Variants in GRM3 observed in about 807,000 individuals in gnomAD.
GRM3 encodes the protein metabotropic glutamate receptor 3.
GRM3 carries 26 observed loss-of-function variants against 70.5 expected under a neutral mutation model. The observed-to-expected ratio is 0.37, with a 90% CI of 0.27 to 0.51. The LOEUF is 0.51. GRM3 is among the 20% of genes least tolerant of loss of function. The pLI is 0.93. For synonymous variants in GRM3, 443 were observed against 434.9 expected (o/e 1.02, Z -0.23); for missense variants, 859 against 1,123.8 (o/e 0.76, Z 3.37).
intron 1 of GRM3, among the ~76,000 whole-genome samples, chr7:86,762,729 G>T (rs1277899960): frequency 6.6e-6 from 1 of 152,118 alleles, no homozygotes; most frequent in Non-Finnish European, 1.5e-5. Context: ...GATCTTTCCT[G>T]GTAGTAACTG....
At chr7:86,717,964 T>G (rs1007641051) in intron 1 of GRM3, among the ~76,000 whole-genome samples, 23 of 151,718 alleles carry the variant, frequency 1.5e-4, no homozygotes, top group African/African-American at 5.6e-4. Context: ...AATGCCTCAC[T>G]AAGGGTATTT....
intron 2 of GRM3, among the ~76,000 whole-genome samples, chr7:86,785,407 G>A (rs965783136): frequency 3.3e-4 from 50 of 151,890 alleles, no homozygotes; most frequent in Non-Finnish European, 8.8e-5. Flanking sequence ...GATAAATATT[G>A]TTGATAGTCA....
At chr7:86,673,701 C>T (rs1471060435) in intron 1 of GRM3, among the ~76,000 whole-genome samples, 4 of 152,206 alleles carry the variant, frequency 2.6e-5, no homozygotes, top group Admixed American at 2.6e-4. Context: ...TTCACCTGGA[C>T]ATCTCAGACA....
intron 3 of GRM3, among the ~76,000 whole-genome samples, chr7:86,790,607 A>AC (rs1797385596): frequency 6.6e-6 from 1 of 151,334 alleles, no homozygotes; most frequent in Non-Finnish European, 1.5e-5. Flanking sequence ...CCTGCACACC[A>AC]CCCTCCCTGC....
chr7:86,848,237 C>T (rs151145203), intron 4 of GRM3, among the ~76,000 whole-genome samples: 19 of 152,322 alleles, frequency 1.2e-4, no homozygotes, highest in Middle Eastern at 6.8e-3. Flanking sequence ...TGTGTCTTCA[C>T]ATTCAATCTC....
chr7:86,743,510 C>T (rs1652008523), intron 1 of GRM3, among the ~76,000 whole-genome samples: 1 of 152,058 alleles, frequency 6.6e-6, no homozygotes, highest in African/African-American at 2.4e-5. Flanking sequence ...TATTTCTTCT[C>T]CCTTGCAGCT....
chr7:86,833,006 T>G (rs2116719656), intron 3 of GRM3: 1 of 984,094 alleles, frequency 1.0e-6, no homozygotes, highest in East Asian at 1.1e-4. Flanking sequence ...GGTTGTTCTT[T>G]TTCTTCCCCT....
At chr7:86,710,098 C>T (rs982243725) in intron 1 of GRM3, 3 of 152,052 alleles carry the variant, frequency 2.0e-5, no homozygotes, top group East Asian at 3.9e-4. Flanking sequence ...CCCACAGCCA[C>T]ACAATAATCA....
chr7:86,825,566 A>G lies in GRM3; in HGVS notation c.1325-13273A>G, dbSNP rs1352105197. ...GTATTCTCTTTACGTGATAGTACAC[A>G]GAAAGTCAAATGCATGTCCATGCAT... On this transcript the variant is annotated intron_variant, in intron 3 of 5. Transcript: ENST00000361669. Among the ~76,000 whole-genome samples, 3 of 152,352 alleles carry G rather than the reference A, an allele frequency of 2.0e-5. No homozygotes were observed. In the East Asian group the frequency reaches 5.8e-4, roughly 29 times the overall value.
chr7:86,692,777 T>C (rs959082299), intron 1 of GRM3, among the ~76,000 whole-genome samples: 1 of 152,210 alleles, frequency 6.6e-6, no homozygotes, highest in African/African-American at 2.4e-5. Flanking sequence ...ATATAAACAC[T>C]AGCATCTCAA....
chr7:86,796,470 G>A (rs1012459825), intron 3 of GRM3, among the ~76,000 whole-genome samples: 5 of 152,110 alleles, frequency 3.3e-5, no homozygotes, highest in African/African-American at 1.2e-4. Context: ...CAGTAGCCTT[G>A]TTGTATAGTT....
intron 3 of GRM3, among the ~76,000 whole-genome samples, chr7:86,829,782 A>T (rs1798314339): frequency 6.6e-6 from 1 of 152,200 alleles, no homozygotes; most frequent in Non-Finnish European, 1.5e-5. Context: ...TATAATAATA[A>T]TGAAAAAGTT....
chr7:86,841,975 C>T (rs553708737), intron 4 of GRM3, among the ~76,000 whole-genome samples: 1 of 152,220 alleles, frequency 6.6e-6, no homozygotes, highest in South Asian at 2.1e-4. Flanking sequence ...TTTAAAGTCT[C>T]AGAAATAATG....
chr7:86,765,662 A>T lies in GRM3; in HGVS notation c.468+49A>T, dbSNP rs1396209670. On this transcript the variant is annotated intron_variant, in intron 2 of 5. Coordinates refer to ENST00000361669, the MANE Select transcript of GRM3 (RefSeq NM_000840.3). The stretch of plus-strand genomic sequence containing the variant: ...TAAAAGGCTGTATCTCTTTGCTTTT[A>T]TGTGTTGGGGGAACAAAAGGAAAAT... 3.3e-6 allele frequency: 5 copies of T among 1,525,212 alleles called. No individual in the cohort carries two copies. In the East Asian group the frequency reaches 9.2e-5, roughly 28 times the overall value. 94.5% of individuals were successfully genotyped at this position (1,525,212 alleles called of 1,614,324 possible). A position where few individuals can be genotyped will look rare whatever the true frequency, so the allele number is the denominator to read the frequency against.
intron 1 of GRM3, among the ~76,000 whole-genome samples, chr7:86,706,765 G>T (rs891812157): frequency 6.6e-5 from 10 of 151,948 alleles, no homozygotes; most frequent in Admixed American, 6.6e-4. Context: ...AAAATGGGTT[G>T]ATTTTTTTTT....
intron 3 of GRM3, among the ~76,000 whole-genome samples, chr7:86,817,982 C>T (rs1490831182): frequency 2.0e-5 from 3 of 151,912 alleles, no homozygotes; most frequent in African/African-American, 7.2e-5. Context: ...ATATATACAA[C>T]ATACGCTGAG....
intron 1 of GRM3, among the ~76,000 whole-genome samples, chr7:86,720,979 G>T (rs1795447718): frequency 1.3e-5 from 2 of 152,058 alleles, no homozygotes; most frequent in African/African-American, 2.4e-5. Context: ...AGAGAAATAA[G>T]CAAGGTAACA....
At chr7:86,716,575 A>C (rs1181205651) in intron 1 of GRM3, among the ~76,000 whole-genome samples, 1 of 151,852 alleles carries the variant, frequency 6.6e-6, no homozygotes, top group Non-Finnish European at 1.5e-5. Flanking sequence ...ACCTGATGCC[A>C]GGAGGGAGTG....
chr7:86,807,867 T>C (rs374820695), intron 3 of GRM3, among the ~76,000 whole-genome samples: 61 of 152,284 alleles, frequency 4.0e-4, no homozygotes, highest in South Asian at 1.7e-3. Flanking sequence ...TTCAGTACGA[T>C]ATTGGCTATG....
Sources: gnomAD v4.1 joint callset for allele counts (sites outside exome capture counted in the v4.1 genomes callset) on GRCh38, gnomAD v4.1.1 for gene constraint, MANE v1.5 for transcripts, NCBI Gene and HGNC (gene_info 2026-07-23, HGNC 2026-07-21) for gene names.